PATL1: variants seen among roughly 807,000 people sequenced by gnomAD.
PATL1 encodes the protein PAT1 homolog 1, processing body mRNA decay factor.
In PATL1, 32 loss-of-function variants were observed where a neutral mutation model predicts 100.6. The ratio of observed to expected loss-of-function variants is 0.32; its 90% CI spans 0.24 to 0.43. The LOEUF (loss-of-function observed/expected upper bound fraction) is 0.43, where lower values mean the gene tolerates loss of function less well. Ranked by LOEUF, PATL1 falls within the 20% of genes least tolerant of loss-of-function variation. The pLI is 1.00. For synonymous variants in PATL1, 332 were observed against 330.0 expected, an observed-to-expected ratio of 1.01 and a Z score of -0.07; for missense variants, 747 against 949.9, an observed-to-expected ratio of 0.79 and a Z score of 2.81.
intron 16 of PATL1, among the ~76,000 whole-genome samples, chr11:59,640,277 G>T (rs1861257365): frequency 6.7e-6 from 1 of 149,674 alleles, no homozygotes; most frequent in Non-Finnish European, 1.5e-5. Flanking sequence ...GGAGCTGGAG[G>T]TTGCAGTGAG....
rs1419462318 is a variant in PATL1 at position 59,652,970 on chromosome 11, G to A, written c.1170C>T (p.Ser390=). The change falls in exon 10 of 19, where the codon AGC becomes AGT. Residue 390 remains serine (S), a synonymous_variant. Transcript: ENST00000300146. Reference sequence around the variant, plus strand: ...CCTTTCGGAGATGATCTTGATGACTGCTCCGGTGACTTCCTCTATCTCCCG... The same window carrying A: ...CCTTTCGGAGATGATCTTGATGACTACTCCGGTGACTTCCTCTATCTCCCG... The part of the protein sequence containing the change: ...NGAGDRGSHR[S]SHQDHLRKDP... 1.2e-6 allele frequency: 2 copies of A among 1,613,944 alleles called. No homozygotes were observed. Among genetic ancestry groups the A allele is most frequent in the Non-Finnish European group, 8.5e-7 (1 of 1,179,866 alleles).
chr11:59,649,355 TAC>T (rs1368931756), intron 14 of PATL1, 105 bp downstream of exon 14: 8 of 1,128,214 alleles, frequency 7.1e-6, no homozygotes, highest in Non-Finnish European at 1.0e-5. Flanking sequence ...ATTCTGAGCT[TAC>T]AGAGATGGTA....
At chr11:59,649,687 G>A in intron 13 of PATL1, 77 bp from the exon 14 acceptor site, 1 of 1,404,836 alleles carries the variant, frequency 7.1e-7, no homozygotes, top group East Asian at 2.5e-5. Flanking sequence ...TCACAGTTTA[G>A]GACTACTAGC....
rs1403715184 is a variant in PATL1 at position 59,638,029 on chromosome 11, G to A, written c.*361C>T. ...AAACAACTTCAATAGGATGAGGGAA[G>A]GAATCCTTTGGCAGGCTACAATCTA... On this transcript the variant is annotated 3_prime_UTR_variant, in exon 19 of 19. Transcript: ENST00000300146. The A allele has an allele frequency of 7.4e-6, 2 of 269,326 alleles. No individual in the cohort carries two copies. Among genetic ancestry groups the A allele is most frequent in the African/African-American group, 4.3e-5 (2 of 46,560 alleles). 16.7% of individuals were successfully genotyped at this position (269,326 alleles called of 1,614,324 possible).
rs1448093711 is a variant in PATL1, at chr11:59,636,755, TA to T, written c.*1634del. ...ATTTGTTTTTATTTACAATACCCTATAAAAATGTAAATTTAGAAACTTTTAT... is the reference window on the plus strand; with the variant it reads ...ATTTGTTTTTATTTACAATACCCTATAAAATGTAAATTTAGAAACTTTTAT... On this transcript the variant is annotated 3_prime_UTR_variant, in exon 19 of 19. Transcript: ENST00000300146. 1 of 152,590 alleles carries T rather than the reference TA, an allele frequency of 6.6e-6. No homozygotes were observed. The highest frequency in any genetic ancestry group is 2.4e-5 in the African/African-American group (1 of 41,426). The allele number at this position is 152,590 out of a possible 1,614,324, so 9.5% of individuals were successfully genotyped here. A position where few individuals can be genotyped will look rare whatever the true frequency, so the allele number is the denominator to read the frequency against.
At chr11:59,663,523 T>TC (rs142558073) in intron 2 of PATL1, among the ~76,000 whole-genome samples, 5,590 of 152,238 alleles carry the variant, frequency 0.037, 142 homozygotes, top group Non-Finnish European at 0.043. Flanking sequence ...TCACTCTTCC[T>TC]CATTTGTTAA....
chr11:59,658,984 G>A, intron 3 of PATL1, 38 bp from the exon 4 acceptor site: 1 of 1,499,902 alleles, frequency 6.7e-7, no homozygotes, highest in Non-Finnish European at 9.0e-7. Context: ...CTGAAATGTT[G>A]TATACTCTCT....
chr11:59,658,727 G>T, intron 4 of PATL1, 139 bp downstream of exon 4: 1 of 638,172 alleles, frequency 1.6e-6, no homozygotes, highest in Non-Finnish European at 2.7e-6. Context: ...GAAAGGCATA[G>T]CTAAGTGCTG....
chr11:59,668,888 C>A lies in PATL1; in HGVS notation c.8G>T (p.Arg3Leu). The A allele has an allele frequency of 8.8e-7, 1 of 1,132,526 alleles. No homozygotes were observed. Among genetic ancestry groups the A allele is most frequent in the Non-Finnish European group, 1.2e-6 (1 of 853,218 alleles). 70.2% of individuals were successfully genotyped at this position (1,132,526 alleles called of 1,614,324 possible). A position where few individuals can be genotyped will look rare whatever the true frequency, so the allele number is the denominator to read the frequency against. Residue 3 changes from arginine (R) to leucine (L), a missense_variant, in exon 1 of 19, where the codon CGC becomes CTC. Physicochemically the swap from Arg to Leu is moderately radical, Grantham distance 102. Coordinates refer to ENST00000300146, the MANE Select transcript of PATL1 (RefSeq NM_152716.3). MF[R>L]YESLEDCPLD... ...CCGGTCGCAACAGCTCACCTCGTAG[C>A]GGAACATTCTTGGGGAGGGGGGCAG...
At chr11:59,661,914 T>G (rs1261582038) in intron 2 of PATL1, among the ~76,000 whole-genome samples, 2 of 152,222 alleles carry the variant, frequency 1.3e-5, no homozygotes, top group Non-Finnish European at 2.9e-5. Context: ...TATCCCCTAC[T>G]GGTAAACATT....
intron 16 of PATL1, 72 bp downstream of exon 16, chr11:59,642,807 CA>C (rs1861305443): frequency 6.9e-7 from 1 of 1,453,566 alleles, no homozygotes; most frequent in South Asian, 1.4e-5. Flanking sequence ...AGAGATACAG[CA>C]GCCATTATTT....
chr11:59,656,183 A>C, intron 6 of PATL1, 138 bp from the exon 7 acceptor site: 1 of 582,220 alleles, frequency 1.7e-6, no homozygotes, highest in South Asian at 3.0e-5. Context: ...TGGAATAGAA[A>C]AAAAGAGTAA....
At position 59,652,635 on chromosome 11, in the gene PATL1, CTGT is replaced by C. The variant is rs533229275; in HGVS notation, c.1303-51_1303-49del. 747 of 1,595,258 alleles carry C rather than the reference CTGT, an allele frequency of 4.7e-4. 1 individual carries two copies. The African/African-American group carries it at 8.1e-3, about 17-fold the overall frequency. On this transcript the variant is annotated intron_variant, in intron 10 of 18. Transcript: ENST00000300146. ...GTTGTAACACAAGCACAGAACACGA[CTGT>C]TGTTTACCATCAAATAATTTATGCC...
chr11:59,642,363 G>A (rs1861294930), intron 16 of PATL1, among the ~76,000 whole-genome samples: 1 of 152,172 alleles, frequency 6.6e-6, no homozygotes. Context: ...CATGACAATG[G>A]CATAAACTAA....
At chr11:59,665,808 T>G (rs1260841460) in intron 2 of PATL1, among the ~76,000 whole-genome samples, 1 of 151,888 alleles carries the variant, frequency 6.6e-6, no homozygotes, top group Admixed American at 6.6e-5. Context: ...TGTGTATGTA[T>G]ACAGTTTAAA....
chr11:59,653,513 C>T (rs1478485776), intron 9 of PATL1, among the ~76,000 whole-genome samples: 1 of 152,120 alleles, frequency 6.6e-6, no homozygotes, highest in East Asian at 1.9e-4. Flanking sequence ...TATCCATTTA[C>T]CCATCACCAA....
At position 59,649,753 on chromosome 11, in the gene PATL1, C is replaced by A. The variant is rs117065164; in HGVS notation, c.1585-143G>T. 1.2e-3 allele frequency: 1,066 copies of A among 873,640 alleles called. 16 individuals are homozygous for A. The East Asian group carries it at 0.026, about 22-fold the overall frequency. 54.1% of individuals were successfully genotyped at this position (873,640 alleles called of 1,614,324 possible). On this transcript the variant is annotated intron_variant, in intron 13 of 18. Coordinates refer to ENST00000300146, the MANE Select transcript of PATL1 (RefSeq NM_152716.3). ...ATTTTTTTTTTTTTAATGTAGAAAA[C>A]CATATGAAATAACTTAAAAAATTCC...
chr11:59,650,384 A>G (rs984041682), intron 13 of PATL1, among the ~76,000 whole-genome samples: 2 of 152,256 alleles, frequency 1.3e-5, no homozygotes, highest in African/African-American at 4.8e-5. Flanking sequence ...CTCAGCACCC[A>G]GAATAGTGCC....
intron 12 of PATL1, among the ~76,000 whole-genome samples, chr11:59,651,176 ATTCT>A (rs1158328431): frequency 6.6e-6 from 1 of 152,132 alleles, no homozygotes; most frequent in African/African-American, 2.4e-5. Flanking sequence ...GGTTGTACAA[ATTCT>A]TTCATCACCC....
Sources: gnomAD v4.1 joint callset for allele counts (sites outside exome capture counted in the v4.1 genomes callset) on GRCh38, gnomAD v4.1.1 for gene constraint, MANE v1.5 for transcripts, NCBI Gene and HGNC (gene_info 2026-07-23, HGNC 2026-07-21) for gene names.